SLC44A2: variants seen among roughly 807,000 people sequenced by gnomAD.
SLC44A2 encodes solute carrier family 44 member 2 (CTL2 blood group), also known as choline transporter-like protein 2.
A neutral mutation model predicts 90.8 loss-of-function variants in SLC44A2; 57 were observed. The ratio of observed to expected loss-of-function variants is 0.63; its 90% CI spans 0.51 to 0.78. The LOEUF (loss-of-function observed/expected upper bound fraction) is 0.78. Ranked by LOEUF, SLC44A2 falls within the 30% of genes least tolerant of loss-of-function variation. SLC44A2 has a pLI of 0.00. For missense variants in SLC44A2, 794 were observed against 919.7 expected (o/e 0.86, Z 1.77); for synonymous variants, 355 against 360.7 (o/e 0.98, Z 0.18).
rs1474167926 is a variant in SLC44A2, at chr19:10,643,468, T to C, written c.*83T>C. The C allele has an allele frequency of 2.7e-6, 4 of 1,477,526 alleles. No individual in the cohort carries two copies. The African/African-American group carries it at 5.6e-5, about 21-fold the overall frequency. The allele number at this position is 1,477,526 out of a possible 1,614,324, so 91.5% of individuals were successfully genotyped here. A position where few individuals can be genotyped will look rare whatever the true frequency, so the allele number is the denominator to read the frequency against. On this transcript the variant is annotated 3_prime_UTR_variant, in exon 22 of 22. Transcript: ENST00000335757. The stretch of plus-strand genomic sequence containing the variant: ...GGTCTGTTCCCCCAGCCCCTTGGGC[T>C]CACCTGAAGTCCTATCACTGCCGCT...
chr19:10,631,769 G>T lies in SLC44A2; in HGVS notation c.626+20G>T. 6.2e-7 allele frequency: 1 copy of T among 1,614,024 alleles called. No individual in the cohort carries two copies. Among genetic ancestry groups the T allele is most frequent in the Non-Finnish European group, 8.5e-7 (1 of 1,180,014 alleles). ...CGCCAAGTGAGGATATTGGCGCACCGCGCCAGGGTCTCACTTTGCTGGGTG... is the reference window on the plus strand; with the variant it reads ...CGCCAAGTGAGGATATTGGCGCACCTCGCCAGGGTCTCACTTTGCTGGGTG... On this transcript the variant is annotated intron_variant, in intron 8 of 21. Transcript: ENST00000335757.
chr19:10,643,003 A>G (rs1009659430), intron 21 of SLC44A2: 10 of 1,568,606 alleles, frequency 6.4e-6, no homozygotes, highest in Non-Finnish European at 8.6e-6. Context: ...GGAAGCGGGC[A>G]GAAGCCGAGG....
chr19:10,615,522 C>T (rs977792683), intron 1 of SLC44A2, among the ~76,000 whole-genome samples: 8 of 151,014 alleles, frequency 5.3e-5, no homozygotes, highest in East Asian at 2.0e-4. Context: ...TGCCGTGAGC[C>T]GAGATCACAC....
intron 1 of SLC44A2, among the ~76,000 whole-genome samples, chr19:10,605,274 G>A (rs1221068542): frequency 2.0e-5 from 3 of 152,004 alleles, no homozygotes; most frequent in Non-Finnish European, 4.4e-5. Flanking sequence ...CCAGCACTTT[G>A]GGAGCCAAGG....
At chr19:10,626,141 T>G in intron 1 of SLC44A2, 112 bp from the exon 2 acceptor site, 1 of 880,874 alleles carries the variant, frequency 1.1e-6, no homozygotes, top group South Asian at 1.4e-5. Context: ...GTCTCTGAAT[T>G]TTATTCTTGC....
At chr19:10,623,739 G>C (rs960370564), upstream of SLC44A2, among the ~76,000 whole-genome samples, 2 of 151,702 alleles carry the variant, frequency 1.3e-5, no homozygotes, top group Admixed American at 1.3e-4. Flanking sequence ...GCCCAGGCTG[G>C]AGTACAGTGG....
intron 16 of SLC44A2, 106 bp from the exon 17 acceptor site, chr19:10,637,538 C>T: frequency 9.8e-7 from 1 of 1,021,154 alleles, no homozygotes; most frequent in South Asian, 1.3e-5. Context: ...ACAGCGTGGA[C>T]TCAGGAGACC....
rs1960000575 is a variant in SLC44A2, at chr19:10,627,975, G to A, written c.216G>A (p.Glu72=). 3 of 1,613,782 alleles carry A rather than the reference G, an allele frequency of 1.9e-6. No homozygotes were observed. Among genetic ancestry groups the A allele is most frequent in the Middle Eastern group, 1.6e-4 (1 of 6,082 alleles). Residue 72 remains glutamate (E), a synonymous_variant, in exon 4 of 22, where the codon GAG becomes GAA. Coordinates refer to ENST00000335757, the MANE Select transcript of SLC44A2 (RefSeq NM_020428.4). Reference sequence around the variant, plus strand: ...TCTACCCCACTGACAGCCGGGGCGAGTTCTGCGGGCAGAAGGGCACAAAAA... The same window carrying A: ...TCTACCCCACTGACAGCCGGGGCGAATTCTGCGGGCAGAAGGGCACAAAAA... ...KVIYPTDSRG[E]FCGQKGTKNE...
chr19:10,626,058 CCT>C (rs1478778913), intron 1 of SLC44A2, among the ~76,000 whole-genome samples, 193 bp from the exon 2 acceptor site: 1 of 152,214 alleles, frequency 6.6e-6, no homozygotes, highest in African/African-American at 2.4e-5. Context: ...TCCTTCCTCC[CCT>C]GTCCTGGCCT....
chr19:10,626,112 G>A, intron 1 of SLC44A2, 141 bp from the exon 2 acceptor site: 1 of 719,514 alleles, frequency 1.4e-6, no homozygotes, highest in Non-Finnish European at 2.5e-6. Flanking sequence ...GGAGGTGGGT[G>A]AGGCAGAAAA....
At chr19:10,620,267 G>A (rs1182545191) in intron 1 of SLC44A2, among the ~76,000 whole-genome samples, 3 of 152,102 alleles carry the variant, frequency 2.0e-5, no homozygotes, top group African/African-American at 7.2e-5. Flanking sequence ...GATCGCCTGA[G>A]GTCAGCAGTT....
At chr19:10,609,897 C>T (rs1248802543) in intron 1 of SLC44A2, among the ~76,000 whole-genome samples, 1 of 152,122 alleles carries the variant, frequency 6.6e-6, no homozygotes, top group East Asian at 1.9e-4. Flanking sequence ...CCTCTGCCTC[C>T]TGGGTTCAAG....
intron 10 of SLC44A2, among the ~76,000 whole-genome samples, chr19:10,633,988 T>TTTTTTTTTTTTTTTAGAGACA (rs1285330749): frequency 6.7e-6 from 1 of 148,184 alleles, no homozygotes; most frequent in African/African-American, 2.5e-5. Context: ...TTTTTTTTTT[T>TTTTTTTTTTTTTTTAGAGACA]GAGACAGAGT....
chr19:10,640,318 T>G (rs138735074), intron 20 of SLC44A2, among the ~76,000 whole-genome samples: 4,478 of 152,258 alleles, frequency 0.029, 81 homozygotes, highest in South Asian at 0.092. Context: ...CTCGAACTCC[T>G]GACCTCAGGT....
intron 6 of SLC44A2, 24 bp from the exon 7 acceptor site, chr19:10,631,451 A>G: frequency 5.6e-6 from 9 of 1,613,916 alleles, no homozygotes; most frequent in Non-Finnish European, 7.6e-6. Flanking sequence ...TTGGGGACTC[A>G]CCTCCCTCCA....
intron 17 of SLC44A2, 54 bp downstream of exon 17, chr19:10,637,801 A>T: frequency 6.2e-7 from 1 of 1,612,274 alleles, no homozygotes; most frequent in South Asian, 1.1e-5. Context: ...GGGTGAGAGG[A>T]CCACCCCCCA....
chr19:10,623,904 G>A (rs2066909717), upstream of SLC44A2, among the ~76,000 whole-genome samples: 1 of 152,008 alleles, frequency 6.6e-6, no homozygotes, highest in African/African-American at 2.4e-5. Context: ...TGGCCAGGCT[G>A]GTCTTGAACT....
intron 21 of SLC44A2, chr19:10,642,865 T>C: frequency 6.4e-7 from 1 of 1,552,230 alleles, no homozygotes; most frequent in Non-Finnish European, 8.6e-7. Flanking sequence ...ACCACCCCAT[T>C]TTCCCCCTGC....
Position 10,643,732 on chromosome 19 carries a change from C to CGGTG in SLC44A2, c.*348_*351dup, listed in dbSNP as rs1302356827. On this transcript the variant is annotated 3_prime_UTR_variant, in exon 22 of 22. Coordinates refer to ENST00000335757, the MANE Select transcript of SLC44A2 (RefSeq NM_020428.4). ...ACAACGGGCCAGACCACAGGAAGGACGGTGTTTGTGTCTGAGGGAGCTGCT... is the reference window on the plus strand; with the variant it reads ...ACAACGGGCCAGACCACAGGAAGGACGGTGGGTGTTTGTGTCTGAGGGAGCTGCT... 4.7e-6 allele frequency: 1 copy of CGGTG among 212,858 alleles called. No individual in the cohort carries two copies. Among genetic ancestry groups the CGGTG allele is most frequent in the African/African-American group, 2.3e-5 (1 of 42,998 alleles). 13.2% of individuals were successfully genotyped at this position (212,858 alleles called of 1,614,324 possible).
Sources: allele counts gnomAD v4.1 joint callset (sites outside exome capture counted in the v4.1 genomes callset), GRCh38; gene constraint gnomAD v4.1.1; transcripts MANE v1.5; gene names NCBI Gene and HGNC (gene_info 2026-07-23, HGNC 2026-07-21).